FSTL5: variants seen among roughly 807,000 people sequenced by gnomAD.
FSTL5 encodes the protein follistatin-related protein 5.
Under a neutral mutation model 89.1 loss-of-function variants are expected in FSTL5, and 62 were observed. The observed-to-expected ratio is 0.70, with a 90% confidence interval of 0.57 to 0.86. FSTL5 has a LOEUF of 0.86. Ranked by LOEUF, FSTL5 falls within the 40% of genes least tolerant of loss-of-function variation. The pLI is 0.00. For missense variants in FSTL5, 1,057 were observed against 1,001.6 expected, an observed-to-expected ratio of 1.06 and a Z score of -0.75; for synonymous variants, 383 against 346.2, an observed-to-expected ratio of 1.11 and a Z score of -1.18.
At chr4:162,157,330 G>A (rs1390973904) in intron 1 of FSTL5, among the ~76,000 whole-genome samples, 1 of 152,006 alleles carries the variant, frequency 6.6e-6, no homozygotes, top group East Asian at 1.9e-4. Context: ...AAATAGAATG[G>A]GGATCATGTT....
chr4:161,604,120 T>C (rs1734352330), intron 7 of FSTL5, among the ~76,000 whole-genome samples: 1 of 152,196 alleles, frequency 6.6e-6, no homozygotes, highest in Admixed American at 6.5e-5. Flanking sequence ...TCTATAGTAT[T>C]TGCTTCTTAC....
intron 1 of FSTL5, among the ~76,000 whole-genome samples, chr4:162,144,001 C>T (rs995007784): frequency 3.3e-5 from 5 of 152,034 alleles, no homozygotes; most frequent in Admixed American, 2.0e-4. Flanking sequence ...TATTGAACCT[C>T]GCAGGGTGAT....
chr4:162,069,148 G>C (rs984979272), intron 2 of FSTL5, among the ~76,000 whole-genome samples: 3 of 151,996 alleles, frequency 2.0e-5, no homozygotes, highest in African/African-American at 7.2e-5. Flanking sequence ...ATTCCTCAAA[G>C]ACCTAGAATC....
intron 4 of FSTL5, among the ~76,000 whole-genome samples, chr4:161,899,392 G>T (rs935286106): frequency 1.3e-5 from 2 of 152,134 alleles, no homozygotes; most frequent in Non-Finnish European, 2.9e-5. Context: ...TTTAATTATA[G>T]GTGCCAGTAA....
intron 15 of FSTL5, chr4:161,387,655 T>G (rs1730691307): frequency 6.6e-6 from 1 of 152,022 alleles, no homozygotes; most frequent in Admixed American, 6.6e-5. Context: ...TAAATAAACA[T>G]ATATTAAATA....
chr4:162,105,366 T>C (rs1731183846), intron 2 of FSTL5, among the ~76,000 whole-genome samples: 1 of 152,204 alleles, frequency 6.6e-6, no homozygotes, highest in Non-Finnish European at 1.5e-5. Flanking sequence ...TCTTCGTGAT[T>C]TGATTTTTGC....
intron 6 of FSTL5, among the ~76,000 whole-genome samples, chr4:161,668,883 G>A (rs1485800532): frequency 1.3e-5 from 2 of 152,104 alleles, no homozygotes; most frequent in African/African-American, 2.4e-5. Flanking sequence ...AGGCTGAGGT[G>A]GGTGGATCAC....
At chr4:161,992,734 TC>T (rs1314397994) in intron 3 of FSTL5, among the ~76,000 whole-genome samples, 4 of 149,266 alleles carry the variant, frequency 2.7e-5, no homozygotes, top group Non-Finnish European at 5.9e-5. Flanking sequence ...ATCCCAGCTA[TC>T]CGGGAGCCTG....
chr4:161,761,891 A>G (rs1740823250), intron 5 of FSTL5, among the ~76,000 whole-genome samples: 1 of 152,202 alleles, frequency 6.6e-6, no homozygotes, highest in African/African-American at 2.4e-5. Context: ...AAGTGGGTCA[A>G]TGAAATACCC....
chr4:161,776,202 C>T lies in FSTL5; in HGVS notation c.410-128G>A, dbSNP rs372337726. 34 of 493,220 alleles carry T rather than the reference C, an allele frequency of 6.9e-5. No individual in the cohort carries two copies. The East Asian group carries it at 7.1e-4, about 10-fold the overall frequency. The allele number at this position is 493,220 out of a possible 1,614,324, so 30.6% of individuals were successfully genotyped here. ...TAATTTTTACTTTTCTGGTGTTTTA[C>T]GATTTACAACTTGTACAAGAAAAAA... On this transcript the variant is annotated intron_variant, in intron 4 of 15. Transcript: ENST00000306100.
intron 3 of FSTL5, among the ~76,000 whole-genome samples, chr4:162,005,066 A>C (rs909569041): frequency 6.6e-6 from 1 of 152,082 alleles, no homozygotes; most frequent in Non-Finnish European, 1.5e-5. Context: ...AAAATAATGT[A>C]ATGTATCCCT....
At chr4:161,469,043 T>C (rs1171422415) in intron 13 of FSTL5, among the ~76,000 whole-genome samples, 1 of 152,202 alleles carries the variant, frequency 6.6e-6, no homozygotes, top group African/African-American at 2.4e-5. Flanking sequence ...CCTTGTAAAA[T>C]GGAACCATTA....
Position 161,831,799 on chromosome 4 carries a change from C to CATAT in FSTL5, c.410-55729_410-55726dup, listed in dbSNP as rs201582755. 1.9e-3 allele frequency among the ~76,000 whole-genome samples: 291 copies of CATAT among 151,582 alleles called. 3 individuals carry two copies. The highest frequency in any genetic ancestry group is 0.013 in the South Asian group (64 of 4,812). The stretch of plus-strand genomic sequence containing the variant: ...GGAACAGCATAATAATATATAACAG[C>CATAT]ATATATATACATATATATGCCATTC... On this transcript the variant is annotated intron_variant, in intron 4 of 15. Coordinates refer to ENST00000306100, the MANE Select transcript of FSTL5 (RefSeq NM_020116.5).
chr4:161,404,497 T>G (rs1407770221), intron 15 of FSTL5, among the ~76,000 whole-genome samples: 1 of 152,066 alleles, frequency 6.6e-6, no homozygotes, highest in Admixed American at 6.5e-5. Flanking sequence ...AGTTTTCCAC[T>G]AACAGTGGAA....
chr4:161,620,828 G>A (rs537121736), intron 7 of FSTL5, among the ~76,000 whole-genome samples: 10 of 152,122 alleles, frequency 6.6e-5, no homozygotes, highest in Admixed American at 5.2e-4. Flanking sequence ...ATAACAGAAA[G>A]ATCTCATGAT....
At chr4:161,616,185 C>T (rs919365034) in intron 7 of FSTL5, among the ~76,000 whole-genome samples, 1 of 151,898 alleles carries the variant, frequency 6.6e-6, no homozygotes, top group Non-Finnish European at 1.5e-5. Context: ...CTCCTGGGTT[C>T]AAGCAATTCT....
chr4:162,083,002 T>G (rs903695362), intron 2 of FSTL5, among the ~76,000 whole-genome samples: 29 of 151,676 alleles, frequency 1.9e-4, no homozygotes, highest in Non-Finnish European at 4.4e-5. Context: ...ATACTGAGAT[T>G]TTATAAGCTT....
At chr4:162,023,391 C>T (rs1474302701) in intron 3 of FSTL5, among the ~76,000 whole-genome samples, 1 of 152,056 alleles carries the variant, frequency 6.6e-6, no homozygotes, top group South Asian at 2.1e-4. Context: ...TAGATTGCAC[C>T]GTCTGGTTTT....
intron 4 of FSTL5, among the ~76,000 whole-genome samples, chr4:161,781,207 T>C (rs180852436): frequency 6.6e-6 from 1 of 152,222 alleles, no homozygotes; most frequent in East Asian, 1.9e-4. Flanking sequence ...TTGATGTATT[T>C]AATATGCATA....
Sources: gnomAD v4.1 joint callset for allele counts (sites outside exome capture counted in the v4.1 genomes callset) on GRCh38, gnomAD v4.1.1 for gene constraint, MANE v1.5 for transcripts, NCBI Gene and HGNC (gene_info 2026-07-23, HGNC 2026-07-21) for gene names.